DACH2: variants seen among roughly 807,000 people sequenced by gnomAD.
DACH2 encodes dachshund family transcription factor 2.
DACH2 carries 17 observed loss-of-function variants against 35.8 expected under a neutral mutation model. The ratio of observed to expected loss-of-function variants is 0.48; its 90% CI spans 0.33 to 0.71. The LOEUF is 0.71. DACH2 is among the 30% of genes least tolerant of loss of function. DACH2 has a pLI of 0.02. For synonymous variants in DACH2, 195 were observed against 177.3 expected (o/e 1.10, Z -0.79); for missense variants, 469 against 472.7 (o/e 0.99, Z 0.07).
intron 7 of DACH2, among the ~76,000 whole-genome samples, chrX:86,740,808 A>G (rs1045138876): frequency 9.1e-6 from 1 of 110,397 alleles, no homozygotes. Context: ...GAAATGAAAT[A>G]TTATGTGAAA....
At chrX:86,350,081 T>C (rs1247240022) in intron 1 of DACH2, among the ~76,000 whole-genome samples, 1 of 111,784 alleles carries the variant, frequency 8.9e-6, no homozygotes, top group Non-Finnish European at 1.9e-5. Context: ...GGCAGGAGAA[T>C]TGCTCCAACC....
At chrX:86,799,358 A>G (rs781654044) in intron 7 of DACH2, 1 of 124,586 alleles carries the variant, frequency 8.0e-6, no homozygotes, top group Admixed American at 9.3e-5. Flanking sequence ...TATACAACTT[A>G]AATTAAATTT....
intron 4 of DACH2, among the ~76,000 whole-genome samples, chrX:86,684,125 C>T (rs1602783211): frequency 9.0e-6 from 1 of 111,538 alleles, no homozygotes; most frequent in South Asian, 3.7e-4. Context: ...AACAAGAAAA[C>T]TTTCTGTGTG....
intron 1 of DACH2, among the ~76,000 whole-genome samples, chrX:86,290,604 G>T (rs1329843001): frequency 9.1e-6 from 1 of 109,350 alleles, no homozygotes; most frequent in East Asian, 2.9e-4. Context: ...TTTGTATCAG[G>T]TGTAAGGAAG....
chrX:86,513,868 G>T (rs1447230144), intron 2 of DACH2, among the ~76,000 whole-genome samples: 1 of 112,003 alleles, frequency 8.9e-6, no homozygotes, highest in African/African-American at 3.2e-5. Context: ...CCTCTGGCAT[G>T]CTGGGCAGAG....
chrX:86,578,122 G>A (rs960523972), intron 3 of DACH2, among the ~76,000 whole-genome samples: 13 of 110,985 alleles, frequency 1.2e-4, no homozygotes, highest in African/African-American at 3.9e-4. Context: ...GTGTCTGGTG[G>A]AGAGGTCAGT....
chrX:86,598,809 T>TG (rs948591614), intron 3 of DACH2, among the ~76,000 whole-genome samples: 3 of 110,239 alleles, frequency 2.7e-5, no homozygotes, highest in South Asian at 3.9e-4. Flanking sequence ...TTTTTTTTTT[T>TG]TGTGTTTATT....
intron 1 of DACH2, among the ~76,000 whole-genome samples, chrX:86,333,651 G>C (rs1355001737): frequency 8.9e-6 from 1 of 111,826 alleles, no homozygotes; most frequent in Non-Finnish European, 1.9e-5. Flanking sequence ...AAGAACAATA[G>C]ATATTTGAGG....
chrX:86,600,464 G>A (rs1427795452), intron 3 of DACH2, among the ~76,000 whole-genome samples: 1 of 111,930 alleles, frequency 8.9e-6, no homozygotes, highest in Non-Finnish European at 1.9e-5. Flanking sequence ...CTCAGTGAAT[G>A]GGACTATTCA....
At chrX:86,188,005 T>G (rs2031730466) in intron 1 of DACH2, among the ~76,000 whole-genome samples, 2 of 112,383 alleles carry the variant, frequency 1.8e-5, no homozygotes, top group Non-Finnish European at 1.9e-5. Context: ...TGACTACTGA[T>G]GTGGAAATGG....
At chrX:86,817,717 A>G (rs141596138) in intron 11 of DACH2, among the ~76,000 whole-genome samples, 2 of 111,952 alleles carry the variant, frequency 1.8e-5, no homozygotes, top group East Asian at 5.6e-4. Flanking sequence ...CTGTCCTAAA[A>G]TTATTTCATT....
intron 3 of DACH2, among the ~76,000 whole-genome samples, chrX:86,564,622 C>T (rs189176022): frequency 2.3e-3 from 257 of 111,336 alleles, no homozygotes; most frequent in East Asian, 6.0e-3. Context: ...CCTGTGGCCA[C>T]ATTGACAGTA....
chrX:86,358,723 G>A (rs1016284385), intron 1 of DACH2, among the ~76,000 whole-genome samples: 2 of 39,715 alleles, frequency 5.0e-5, no homozygotes, highest in Non-Finnish European at 7.6e-5. Flanking sequence ...ATTCTTGATT[G>A]GTAAAAGAAA....
chrX:86,389,695 T>C (rs2036171418), intron 2 of DACH2, among the ~76,000 whole-genome samples: 2 of 112,097 alleles, frequency 1.8e-5, no homozygotes, highest in Non-Finnish European at 3.8e-5. Context: ...TAGGTTATTA[T>C]GCTATATACT....
chrX:86,443,114 T>A (rs142169258), intron 2 of DACH2, among the ~76,000 whole-genome samples: 135 of 111,928 alleles, frequency 1.2e-3, no homozygotes, highest in African/African-American at 3.9e-3. Context: ...ATAAGAAATG[T>A]CATTGATATT....
At chrX:86,525,446 GTTA>G (rs761773789) in intron 3 of DACH2, among the ~76,000 whole-genome samples, 4 of 111,638 alleles carry the variant, frequency 3.6e-5, no homozygotes, top group African/African-American at 1.3e-4. Context: ...GATGATTATT[GTTA>G]TTATTTGTTG....
chrX:86,530,603 A>G (rs1432761649), intron 3 of DACH2, among the ~76,000 whole-genome samples: 1 of 111,932 alleles, frequency 8.9e-6, no homozygotes, highest in African/African-American at 3.2e-5. Context: ...TGGAACTGTG[A>G]GTCAATTAAA....
intron 1 of DACH2, among the ~76,000 whole-genome samples, chrX:86,246,056 G>A (rs1309365871): frequency 5.4e-5 from 6 of 111,376 alleles, no homozygotes; most frequent in South Asian, 3.8e-4. Context: ...ACACCAAGCC[G>A]AGGAAAGGAT....
At chrX:86,327,857 A>G (rs991220991) in intron 1 of DACH2, among the ~76,000 whole-genome samples, 1 of 111,407 alleles carries the variant, frequency 9.0e-6, no homozygotes, top group Non-Finnish European at 1.9e-5. Context: ...TAATTATTTT[A>G]TTCACCTCCA....
Sources: gnomAD v4.1 joint callset for allele counts (sites outside exome capture counted in the v4.1 genomes callset) on GRCh38, gnomAD v4.1.1 for gene constraint, MANE v1.5 for transcripts, NCBI Gene and HGNC (gene_info 2026-07-23, HGNC 2026-07-21) for gene names.